The following DAB2IP variants were observed in gnomAD, a reference collection of about 807,000 sequenced individuals.
DAB2IP encodes the protein DAB2 interacting protein, also known as disabled homolog 2-interacting protein.
A neutral mutation model predicts 107.2 loss-of-function variants in DAB2IP; 28 were observed. The observed-to-expected ratio is 0.26, with a 90% confidence interval of 0.19 to 0.36. DAB2IP has a LOEUF of 0.36. DAB2IP is among the 10% of genes least tolerant of loss of function. The pLI, the probability that DAB2IP is intolerant of heterozygous loss-of-function variation, is 1.00. For synonymous variants in DAB2IP, 755 were observed against 706.4 expected (o/e 1.07, Z -1.09); for missense variants, 1,400 against 1,644.7 (o/e 0.85, Z 2.57).
rs111271091 is a variant in DAB2IP, at chr9:121,633,485, C to T, written c.41-45193C>T. 3.3e-5 allele frequency among the ~76,000 whole-genome samples: 5 copies of T among 152,190 alleles called. No homozygotes were observed. Among genetic ancestry groups the T allele is most frequent in the African/African-American group, 9.6e-5 (4 of 41,528 alleles). ...GTGTCTCCAAAGCAAGGTGGGTGTA[C>T]GTTTCAGCAAGAGAGATGTAGGTTA... On this transcript the variant is annotated intron_variant, in intron 1 of 16. Coordinates refer to the DAB2IP transcript ENST00000259371. This position sits in a 1 kb window ranked among gnomAD's most constrained non-coding sequence, Gnocchi z 5.1.
intron 2 of DAB2IP, among the ~76,000 whole-genome samples, chr9:121,682,859 C>G (rs1452798606): frequency 6.6e-6 from 1 of 152,072 alleles, no homozygotes; most frequent in Non-Finnish European, 1.5e-5. Context: ...TCCCTCCCTC[C>G]TATAGGGAGA....
At chr9:121,700,953 C>T (rs1196871287) in intron 3 of DAB2IP, among the ~76,000 whole-genome samples, 2 of 152,222 alleles carry the variant, frequency 1.3e-5, no homozygotes, top group Non-Finnish European at 2.9e-5. Context: ...GAAAATCTCG[C>T]TTCCCATCTT....
At position 121,668,771 on chromosome 9, in the gene DAB2IP, G is replaced by A. The variant is rs187944317; in HGVS notation, c.125-9907G>A. 1.2e-4 allele frequency among the ~76,000 whole-genome samples: 19 copies of A among 152,220 alleles called. No homozygotes were observed. The East Asian group carries it at 3.7e-3, about 29-fold the overall frequency. On this transcript the variant is annotated intron_variant, in intron 1 of 15. Transcript: ENST00000408936. ...GTCCCCTTCTCCAAAGAGAACGTCT[G>A]ATAACAAGTTTTTGGCTACTGTGTA...
At chr9:121,661,694 T>A (rs1472736712) in intron 1 of DAB2IP, among the ~76,000 whole-genome samples, 1 of 152,004 alleles carries the variant, frequency 6.6e-6, no homozygotes, top group Non-Finnish European at 1.5e-5. Context: ...ACAATAATAA[T>A]GTTTACGGCC....
At chr9:121,586,748 A>T (rs1191444614) in intron 1 of DAB2IP, among the ~76,000 whole-genome samples, 1 of 151,842 alleles carries the variant, frequency 6.6e-6, no homozygotes, top group Non-Finnish European at 1.5e-5. Flanking sequence ...TTAGCCTGGG[A>T]GGTGGAGGCT....
chr9:121,762,223 G>A (rs1486652071), intron 6 of DAB2IP, among the ~76,000 whole-genome samples: 2 of 152,160 alleles, frequency 1.3e-5, no homozygotes, highest in African/African-American at 4.8e-5. Context: ...GTGTGGCCTT[G>A]GACAAGTCAT....
At chr9:121,571,885 A>G (rs544522592) in intron 1 of DAB2IP, among the ~76,000 whole-genome samples, 1 of 152,208 alleles carries the variant, frequency 6.6e-6, no homozygotes, top group East Asian at 1.9e-4. Flanking sequence ...AGTCAGAGGC[A>G]GGAAGGTGAG....
intron 1 of DAB2IP, among the ~76,000 whole-genome samples, chr9:121,674,468 G>A (rs755206001): frequency 3.9e-5 from 6 of 152,280 alleles, no homozygotes; most frequent in East Asian, 1.9e-4. Flanking sequence ...AGAGCCAGCC[G>A]CCCTGTGCAG....
intron 3 of DAB2IP, among the ~76,000 whole-genome samples, chr9:121,740,216 AGTGGATCTCAGCCTG>A (rs1832239127): frequency 6.6e-6 from 1 of 152,198 alleles, no homozygotes. Context: ...CAGCTGACCC[AGTGGATCTCAGCCTG>A]GAGATTCTGA....
rs1831902906 is a variant in DAB2IP at position 121,736,302 on chromosome 9, G to A, written c.363-20711G>A. On this transcript the variant is annotated intron_variant, in intron 3 of 15. Transcript: ENST00000408936. The surrounding 1 kb of genome is among the most constrained non-coding windows in gnomAD (Gnocchi z 4.6). ...CAAACTGGAATGCGCCGCGAGAGCC[G>A]GGCCGCGGGCAAGTGAGGGGCTGGC... 6.6e-6 allele frequency among the ~76,000 whole-genome samples: 1 copy of A among 152,196 alleles called. No individual in the cohort carries two copies. The highest frequency in any genetic ancestry group is 6.5e-5 in the Admixed American group (1 of 15,286).
intron 3 of DAB2IP, among the ~76,000 whole-genome samples, chr9:121,718,532 G>C (rs1302364129): frequency 3.9e-5 from 6 of 152,176 alleles, no homozygotes. Flanking sequence ...TGAGCCACCA[G>C]GCCCTGGTCT....
chr9:121,637,122 A>T (rs1318102934), intron 1 of DAB2IP, among the ~76,000 whole-genome samples: 1 of 152,144 alleles, frequency 6.6e-6, no homozygotes, highest in Non-Finnish European at 1.5e-5. Context: ...TCCCCCAGGG[A>T]GCTGCTATTT....
At chr9:121,714,101 T>A (rs757382279) in intron 3 of DAB2IP, among the ~76,000 whole-genome samples, 1 of 152,200 alleles carries the variant, frequency 6.6e-6, no homozygotes, top group Non-Finnish European at 1.5e-5. Flanking sequence ...GTACTCACAT[T>A]CTCACACACC....
Position 121,699,937 on chromosome 9 carries a change from G to A in DAB2IP, c.362+479G>A, listed in dbSNP as rs1181026954. Among the ~76,000 whole-genome samples, 1 of 152,222 alleles carries A rather than the reference G, an allele frequency of 6.6e-6. No homozygotes were observed. The highest frequency in any genetic ancestry group is 1.9e-4 in the East Asian group (1 of 5,174). On this transcript the variant is annotated intron_variant, in intron 3 of 15. Transcript: ENST00000408936. This position sits in a 1 kb window ranked among gnomAD's most constrained non-coding sequence, Gnocchi z 6.2. ...TGGTGAGGGGAAGGGTGAACATCTG[G>A]AGGGGAGGAGCAGGGGGCTGGGCCA...
chr9:121,657,269 C>T (rs1833007342), intron 1 of DAB2IP, among the ~76,000 whole-genome samples: 1 of 152,216 alleles, frequency 6.6e-6, no homozygotes, highest in African/African-American at 2.4e-5. Context: ...GCCTGGCAGA[C>T]ACCTGAGGCC....
rs111651912 is a variant in DAB2IP, at chr9:121,750,495, A to C, written c.363-6518A>C. On this transcript the variant is annotated intron_variant, in intron 3 of 15. Transcript: ENST00000408936. ...GGGAGCCCACTCTCTCTAAAACCAG[A>C]CGAGCCTGGCCCATTCAAGGACAGC... is the stretch of plus-strand genomic sequence containing the variant. Among the ~76,000 whole-genome samples the C allele has an allele frequency of 5.9e-3, 897 of 152,198 alleles. 10 individuals are homozygous for C. The highest frequency in any genetic ancestry group is 0.02 in the African/African-American group (847 of 41,500).
intron 5 of DAB2IP, among the ~76,000 whole-genome samples, chr9:121,759,474 G>C (rs183151011): frequency 1.3e-5 from 2 of 152,312 alleles, no homozygotes; most frequent in East Asian, 3.9e-4. Flanking sequence ...CGACTTGAGG[G>C]CTTGACCAAG....
chr9:121,656,435 C>T (rs761476610), intron 1 of DAB2IP, among the ~76,000 whole-genome samples: 38 of 152,212 alleles, frequency 2.5e-4, no homozygotes, highest in Non-Finnish European at 4.4e-4. Flanking sequence ...TCAAATGTTC[C>T]CTGCAAGGGC....
intron 3 of DAB2IP, among the ~76,000 whole-genome samples, chr9:121,741,114 C>T (rs898173532): frequency 6.6e-6 from 1 of 152,168 alleles, no homozygotes; most frequent in African/African-American, 2.4e-5. Context: ...CACCTGTTTC[C>T]TCTGATGCTC....
Sources: gnomAD v4.1 joint callset for allele counts (sites outside exome capture counted in the v4.1 genomes callset) on GRCh38, gnomAD v4.1.1 for gene constraint, Gnocchi (gnomAD v3.1) non-coding constraint, MANE v1.5 for transcripts, NCBI Gene and HGNC (gene_info 2026-07-23, HGNC 2026-07-21) for gene names.